Variants in TRAPPC9 observed in about 807,000 individuals in gnomAD.
TRAPPC9 encodes the protein IKK2 binding protein.
TRAPPC9 carries 83 observed loss-of-function variants against 124.0 expected under a neutral mutation model. The observed-to-expected ratio is 0.67, with a 90% CI of 0.56 to 0.80. TRAPPC9 has a LOEUF of 0.80. Among genes scored for constraint, TRAPPC9 ranks in the 30% least tolerant of loss-of-function variants. TRAPPC9 has a pLI of 0.00. For missense variants in TRAPPC9, 1,302 were observed against 1,508.3 expected (o/e 0.86, Z 2.27); for synonymous variants, 638 against 617.5 (o/e 1.03, Z -0.49).
chr8:139,780,584 A>G (rs1001230765), intron 21 of TRAPPC9, among the ~76,000 whole-genome samples: 1 of 152,184 alleles, frequency 6.6e-6, no homozygotes, highest in African/African-American at 2.4e-5. Flanking sequence ...CCTAGAAGAT[A>G]ACACAGGAGG....
At chr8:139,741,050 G>A (rs1198698208) in intron 21 of TRAPPC9, among the ~76,000 whole-genome samples, 2 of 152,282 alleles carry the variant, frequency 1.3e-5, no homozygotes, top group East Asian at 3.9e-4. Flanking sequence ...CCAAGAGGAG[G>A]GTGGAGGATG....
chr8:140,272,954 G>A (rs2065004744), intron 15 of TRAPPC9, among the ~76,000 whole-genome samples: 1 of 151,794 alleles, frequency 6.6e-6, no homozygotes, highest in South Asian at 2.1e-4. Flanking sequence ...GTAGTAACTT[G>A]TGTGAGAACA....
intron 16 of TRAPPC9, among the ~76,000 whole-genome samples, chr8:140,230,808 G>A (rs996155994): frequency 6.6e-6 from 1 of 152,112 alleles, no homozygotes; most frequent in South Asian, 2.1e-4. Flanking sequence ...GGATGAAACT[G>A]AAGCAGGTGA....
chr8:140,189,359 C>T (rs767670236), intron 17 of TRAPPC9, among the ~76,000 whole-genome samples: 22 of 152,208 alleles, frequency 1.4e-4, no homozygotes, highest in Non-Finnish European at 3.1e-4. Context: ...CTCACTATTT[C>T]AGAAGACCAG....
intron 19 of TRAPPC9, among the ~76,000 whole-genome samples, chr8:139,927,674 A>G (rs1048173476): frequency 7.2e-5 from 11 of 152,358 alleles, no homozygotes; most frequent in Middle Eastern, 6.8e-3. Context: ...TGGCAGCTTT[A>G]ATAGCAATAG....
intron 5 of TRAPPC9, among the ~76,000 whole-genome samples, chr8:140,423,350 G>T (rs1192532338): frequency 1.3e-5 from 2 of 152,076 alleles, no homozygotes; most frequent in Non-Finnish European, 1.5e-5. Flanking sequence ...TGAAGCAGGA[G>T]AATCGCTTGA....
At chr8:139,956,549 C>T (rs973941467) in intron 19 of TRAPPC9, among the ~76,000 whole-genome samples, 7 of 152,226 alleles carry the variant, frequency 4.6e-5, no homozygotes, top group African/African-American at 1.4e-4. Context: ...CCTATTTCTC[C>T]ACCCTCCACC....
chr8:140,216,296 ATC>A lies in TRAPPC9; in HGVS notation c.2556+5161_2556+5162del, dbSNP rs536798927. Among the ~76,000 whole-genome samples the A allele has an allele frequency of 6.3e-4, 96 of 152,300 alleles. No individual in the cohort carries two copies. The highest frequency in any genetic ancestry group is 2.2e-3 in the African/African-American group (92 of 41,568). ...CATTTAAATACATGTACGAACATTC[ATC>A]TCTATCTATATACATTTATAATGAT... On this transcript the variant is annotated intron_variant, in intron 17 of 22. Coordinates refer to ENST00000438773, the MANE Select transcript of TRAPPC9 (RefSeq NM_001160372.4). The surrounding 1 kb of genome is among the most constrained non-coding windows in gnomAD (Gnocchi z 4.1).
chr8:140,358,098 C>T (rs753074435), intron 9 of TRAPPC9, among the ~76,000 whole-genome samples: 28 of 152,158 alleles, frequency 1.8e-4, no homozygotes, highest in Non-Finnish European at 2.8e-4. Context: ...TAGAGATGGC[C>T]GTGGAAATCA....
At chr8:140,031,676 A>T (rs1177456244) in intron 17 of TRAPPC9, among the ~76,000 whole-genome samples, 1 of 152,262 alleles carries the variant, frequency 6.6e-6, no homozygotes. Flanking sequence ...CCATACCATT[A>T]CTTTCCAGTT....
At chr8:140,424,567 C>T (rs929130430) in intron 5 of TRAPPC9, among the ~76,000 whole-genome samples, 3 of 149,718 alleles carry the variant, frequency 2.0e-5, no homozygotes, top group Non-Finnish European at 3.0e-5. Context: ...AGTTCAAGGG[C>T]GCAGTGAGCT....
At chr8:140,184,001 GGGAGA>G (rs2062291567) in intron 17 of TRAPPC9, among the ~76,000 whole-genome samples, 2 of 144,614 alleles carry the variant, frequency 1.4e-5, no homozygotes. Context: ...GAGGAGGGAG[GGGAGA>G]AGAGAAGATC....
At chr8:140,254,475 C>T (rs1004744931) in intron 15 of TRAPPC9, among the ~76,000 whole-genome samples, 11 of 152,180 alleles carry the variant, frequency 7.2e-5, no homozygotes, top group African/African-American at 2.7e-4. Context: ...TGTCTGTGAC[C>T]AATGAACTGC....
chr8:140,191,994 T>C (rs547849141), intron 17 of TRAPPC9, among the ~76,000 whole-genome samples: 4 of 152,138 alleles, frequency 2.6e-5, no homozygotes, highest in African/African-American at 2.4e-5. Context: ...AGGACTAAAA[T>C]GAGGATTTGA....
intron 21 of TRAPPC9, among the ~76,000 whole-genome samples, chr8:139,821,510 A>C (rs910210515): frequency 6.6e-6 from 1 of 152,254 alleles, no homozygotes. Context: ...ATGTTAATAC[A>C]TCTCCATATG....
intron 17 of TRAPPC9, among the ~76,000 whole-genome samples, chr8:140,118,599 G>A (rs755910682): frequency 2.0e-5 from 3 of 152,244 alleles, no homozygotes; most frequent in Non-Finnish European, 4.4e-5. Flanking sequence ...AGAAGGACAC[G>A]TAATAGAAGC....
intron 17 of TRAPPC9, among the ~76,000 whole-genome samples, chr8:140,174,098 A>AG (rs779850169): frequency 3.9e-5 from 6 of 152,168 alleles, no homozygotes; most frequent in Admixed American, 2.0e-4. Flanking sequence ...AGAAGGAAAA[A>AG]TGTTTAGCTT....
At chr8:140,448,742 T>C (rs1271498268) in intron 2 of TRAPPC9, among the ~76,000 whole-genome samples, 1 of 152,220 alleles carries the variant, frequency 6.6e-6, no homozygotes, top group East Asian at 1.9e-4. Context: ...ACTCCCACAG[T>C]GCCTGCTGGC....
chr8:139,872,143 G>C (rs1285532241), intron 21 of TRAPPC9, among the ~76,000 whole-genome samples: 1 of 151,636 alleles, frequency 6.6e-6, no homozygotes, highest in Non-Finnish European at 1.5e-5. Flanking sequence ...TGGGCTGGTG[G>C]GTAAATGGTT....
Sources: allele counts gnomAD v4.1 joint callset (sites outside exome capture counted in the v4.1 genomes callset), GRCh38; gene constraint gnomAD v4.1.1; non-coding constraint Gnocchi (gnomAD v3.1); transcripts MANE v1.5; gene names NCBI Gene and HGNC (gene_info 2026-07-23, HGNC 2026-07-21).